The following SRI variants were observed in gnomAD, a reference collection of about 807,000 sequenced individuals.
SRI encodes sorcin.
In SRI, 30 loss-of-function variants were observed where a neutral mutation model predicts 33.3. That is an observed-to-expected ratio of 0.90 (90% CI 0.67 to 1.22). The LOEUF is 1.22. Among genes scored for constraint, SRI ranks in the 50% most tolerant of loss-of-function variants. The pLI, the probability that SRI is intolerant of heterozygous loss-of-function variation, is 0.00. For missense variants in SRI, 243 were observed against 250.8 expected (o/e 0.97, Z 0.21); for synonymous variants, 75 against 89.9 (o/e 0.83, Z 0.94).
rs1442906988 is a variant in SRI, at chr7:88,219,958, C to T, written c.51+18G>A. On this transcript the variant is annotated intron_variant, in intron 1 of 7. Transcript: ENST00000265729. ...CCCGGAGCCGCCTGGGCCGCGATCCCGCGCAGTCAGCACTTACCCCGCCTG... is the reference window on the plus strand; with the variant it reads ...CCCGGAGCCGCCTGGGCCGCGATCCTGCGCAGTCAGCACTTACCCCGCCTG... 7 of 1,539,014 alleles carry T rather than the reference C, an allele frequency of 4.5e-6. No individual in the cohort carries two copies. The highest frequency in any genetic ancestry group is 1.4e-5 in the African/African-American group (1 of 71,880).
chr7:88,211,072 C>T, intron 3 of SRI, 147 bp from the exon 4 acceptor site: 1 of 677,118 alleles, frequency 1.5e-6, no homozygotes, highest in Non-Finnish European at 2.5e-6. Flanking sequence ...TCATATGGAA[C>T]TTCAAAGTAG....
At chr7:88,206,872 G>A (rs1226123159) in intron 7 of SRI, among the ~76,000 whole-genome samples, 1 of 152,060 alleles carries the variant, frequency 6.6e-6, no homozygotes, top group African/African-American at 2.4e-5. Context: ...GTTGTATTAC[G>A]TGGGGATTTC....
At chr7:88,209,855 A>T in intron 5 of SRI, 128 bp downstream of exon 5, 1 of 1,252,328 alleles carries the variant, frequency 8.0e-7, no homozygotes, top group Non-Finnish European at 1.2e-6. Context: ...AGCTCAGGCA[A>T]TCCACCCTCC....
intron 5 of SRI, 123 bp from the exon 6 acceptor site, chr7:88,209,575 A>G: frequency 1.4e-6 from 1 of 721,308 alleles, no homozygotes; most frequent in Non-Finnish European, 2.4e-6. Context: ...AACACACACA[A>G]TTTCTAAGAA....
chr7:88,226,945 G>C (rs770604705), exon 1 of SRI: 2 of 1,613,558 alleles, frequency 1.2e-6, no homozygotes, highest in Non-Finnish European at 1.7e-6. Flanking sequence ...GTAGAAGCTG[G>C]TGATCCTTAG....
chr7:88,206,240 C>CTGAT lies in SRI; in HGVS notation c.*234_*237dup. The CTGAT allele has an allele frequency of 1.8e-6, 1 of 557,394 alleles. No homozygotes were observed. Among genetic ancestry groups the CTGAT allele is most frequent in the East Asian group, 2.9e-5 (1 of 34,316 alleles). The allele number at this position is 557,394 out of a possible 1,614,324, so 34.5% of individuals were successfully genotyped here. ...GTTTTAGCAAGAAAATAAGGCATGA[C>CTGAT]TGATAATGGCTCAGGAAAGTTCTAA... On this transcript the variant is annotated 3_prime_UTR_variant, in exon 8 of 8. Transcript: ENST00000265729.
At chr7:88,223,854 G>A (rs1450985547), upstream of SRI, among the ~76,000 whole-genome samples, 1 of 152,242 alleles carries the variant, frequency 6.6e-6, no homozygotes, top group Middle Eastern at 3.4e-3. Context: ...TTTGCTGACT[G>A]TAAGATAAAG....
upstream of SRI, among the ~76,000 whole-genome samples, chr7:88,221,333 T>C (rs2115819963): frequency 6.6e-6 from 1 of 152,320 alleles, no homozygotes; most frequent in Non-Finnish European, 1.5e-5. Flanking sequence ...TAATAGTCCC[T>C]GTTGTGGCAT....
intron 7 of SRI, among the ~76,000 whole-genome samples, chr7:88,207,151 T>C (rs1342067148): frequency 2.0e-5 from 3 of 152,344 alleles, no homozygotes; most frequent in African/African-American, 2.4e-5. Flanking sequence ...TGCAGCTCTA[T>C]TGCAAGGTCA....
At chr7:88,218,668 A>C (rs1851794326) in intron 2 of SRI, 191 bp downstream of exon 2, 1 of 554,002 alleles carries the variant, frequency 1.8e-6, no homozygotes, top group Non-Finnish European at 3.2e-6. Context: ...CATAAATACG[A>C]GTAACACTTT....
exon 1 of SRI, chr7:88,226,945 G>A (rs770604705): frequency 5.0e-6 from 8 of 1,613,558 alleles, no homozygotes; most frequent in Non-Finnish European, 6.8e-6. Flanking sequence ...GTAGAAGCTG[G>A]TGATCCTTAG....
chr7:88,213,182 C>T (rs1376623077), intron 3 of SRI, among the ~76,000 whole-genome samples: 1 of 152,192 alleles, frequency 6.6e-6, no homozygotes, highest in African/African-American at 2.4e-5. Context: ...CCCTAATGGG[C>T]ATCCCTGACT....
At chr7:88,214,510 T>C (rs1851659526) in intron 3 of SRI, among the ~76,000 whole-genome samples, 1 of 152,144 alleles carries the variant, frequency 6.6e-6, no homozygotes, top group Non-Finnish European at 1.5e-5. Flanking sequence ...TACACCATTC[T>C]AGACAGTTCC....
rs368954008 is a variant in SRI, at chr7:88,210,905, G to A, written c.226C>T (p.Arg76Trp). The part of the protein sequence containing the change: ...GYKPFNLETC[R>W]LMVSMLDRDM... ...ACATCCAGCATTGAAACCATAAGCC[G>A]GCAAGTCTCCAGGTTAAAAGCTGTT... Residue 76 changes from arginine to tryptophan, a missense_variant, in exon 4 of 8, where the codon CGG (arginine) becomes TGG (tryptophan). Coordinates refer to ENST00000265729, the MANE Select transcript of SRI (RefSeq NM_003130.4). 3.5e-5 allele frequency: 57 copies of A among 1,613,192 alleles called. No individual in the cohort carries two copies. Among genetic ancestry groups the A allele is most frequent in the African/African-American group, 5.3e-5 (4 of 74,824 alleles).
intron 2 of SRI, among the ~76,000 whole-genome samples, chr7:88,217,977 C>T (rs1851775512): frequency 6.6e-6 from 1 of 152,196 alleles, no homozygotes; most frequent in Middle Eastern, 3.2e-3. Context: ...CATTCAATTT[C>T]TTAAGCTGTA....
intron 5 of SRI, 108 bp downstream of exon 5, chr7:88,209,875 C>T (rs1328901075): frequency 6.7e-6 from 10 of 1,486,996 alleles, no homozygotes; most frequent in African/African-American, 2.8e-5. Flanking sequence ...CTTGGCCTCC[C>T]AAAGTGCTGG....
At position 88,219,615 on chromosome 7, in the gene SRI, CTGT is replaced by C. The variant is rs376448115; in HGVS notation, c.51+358_51+360del. The C allele has an allele frequency of 3.1e-3, 882 of 289,176 alleles. 9 individuals are homozygous for C. Among genetic ancestry groups the C allele is most frequent in the African/African-American group, 0.022 (788 of 35,164 alleles). 17.9% of individuals were successfully genotyped at this position (289,176 alleles called of 1,614,324 possible). On this transcript the variant is annotated intron_variant, in intron 1 of 7. Transcript: ENST00000265729. The stretch of plus-strand genomic sequence containing the variant: ...GGTATATCATTCTAGAATAAAATGA[CTGT>C]TGTTGCTCTGGGAGGCAACCAAGAA...
chr7:88,210,864 A>G lies in SRI; in HGVS notation c.249+18T>C, dbSNP rs762822075. 4.3e-6 allele frequency: 7 copies of G among 1,611,444 alleles called. No individual in the cohort carries two copies. Among genetic ancestry groups the G allele is most frequent in the Non-Finnish European group, 5.9e-6 (7 of 1,178,440 alleles). On this transcript the variant is annotated intron_variant, in intron 4 of 7. Coordinates refer to ENST00000265729, the MANE Select transcript of SRI (RefSeq NM_003130.4). ...TTTAGAAAAAATTATTCTAGACAACAATCAAAGTAAAGGATACATCCAGCA... is the reference window on the plus strand; with the variant it reads ...TTTAGAAAAAATTATTCTAGACAACGATCAAAGTAAAGGATACATCCAGCA...
At chr7:88,222,572 T>A (rs1851911768), upstream of SRI, among the ~76,000 whole-genome samples, 1 of 152,132 alleles carries the variant, frequency 6.6e-6, no homozygotes, top group Admixed American at 6.6e-5. Context: ...GAGTTCACTG[T>A]AGATTCTGGA....
Sources: gnomAD v4.1 joint callset for allele counts (sites outside exome capture counted in the v4.1 genomes callset) on GRCh38, gnomAD v4.1.1 for gene constraint, MANE v1.5 for transcripts, NCBI Gene and HGNC (gene_info 2026-07-23, HGNC 2026-07-21) for gene names.